SLC10A7: variants seen among roughly 807,000 people sequenced by gnomAD.
SLC10A7 encodes solute carrier family 10 member 7, also known as sodium/bile acid cotransporter 7.
Under a neutral mutation model 43.2 loss-of-function variants are expected in SLC10A7, and 29 were observed. The ratio of observed to expected loss-of-function variants is 0.67; its 90% CI spans 0.50 to 0.92. The LOEUF (loss-of-function observed/expected upper bound fraction) is 0.92, where lower values mean the gene tolerates loss of function less well. Among genes scored for constraint, SLC10A7 ranks in the 40% least tolerant of loss-of-function variants. The pLI is 0.00. For missense variants in SLC10A7, 295 were observed against 403.2 expected (o/e 0.73, Z 2.30); for synonymous variants, 152 against 144.8 (o/e 1.05, Z -0.35).
intron 5 of SLC10A7, among the ~76,000 whole-genome samples, chr4:146,330,629 G>A (rs1385902185): frequency 6.6e-6 from 1 of 152,134 alleles, no homozygotes; most frequent in Non-Finnish European, 1.5e-5. Flanking sequence ...AAGTTTTGGG[G>A]AAGTCATCGC....
intron 10 of SLC10A7, among the ~76,000 whole-genome samples, chr4:146,277,935 G>A (rs983963035): frequency 2.0e-5 from 3 of 152,126 alleles, no homozygotes; most frequent in African/African-American, 4.8e-5. Context: ...AATTACATTT[G>A]TTAAGTATTT....
At chr4:146,463,207 T>C (rs1010728447) in intron 4 of SLC10A7, among the ~76,000 whole-genome samples, 2 of 152,188 alleles carry the variant, frequency 1.3e-5, no homozygotes, top group African/African-American at 4.8e-5. Flanking sequence ...AATACATGTG[T>C]CTATAAAATA....
intron 10 of SLC10A7, among the ~76,000 whole-genome samples, chr4:146,271,884 T>C (rs1477826930): frequency 1.3e-5 from 2 of 152,152 alleles, no homozygotes; most frequent in Non-Finnish European, 2.9e-5. Flanking sequence ...TGCTCCCTAT[T>C]TCCTTCAGGT....
rs545899297 is a variant in SLC10A7 at position 146,517,903 on chromosome 4, C to A, written c.101-783G>T. Reference sequence around the variant, plus strand: ...GTTCTGCCCAAGAGTATTCATTCTACAAATACTTATTGAGCACTTGCTATG... The same window carrying A: ...GTTCTGCCCAAGAGTATTCATTCTAAAAATACTTATTGAGCACTTGCTATG... On this transcript the variant is annotated intron_variant, in intron 1 of 11. Transcript: ENST00000335472. Among the ~76,000 whole-genome samples, 11 of 152,280 alleles carry A rather than the reference C, an allele frequency of 7.2e-5. No homozygotes were observed. In the East Asian group the frequency reaches 2.1e-3, roughly 29 times the overall value.
chr4:146,465,836 T>C (rs912976871), intron 4 of SLC10A7, among the ~76,000 whole-genome samples: 4 of 152,190 alleles, frequency 2.6e-5, no homozygotes, highest in African/African-American at 9.6e-5. Context: ...TGAGTTAACA[T>C]GTACTGAAAG....
chr4:146,442,344 G>A, intron 5 of SLC10A7: 1 of 989,640 alleles, frequency 1.0e-6, no homozygotes, highest in Non-Finnish European at 1.2e-6. Flanking sequence ...ATCCAAGCCA[G>A]TAGCTTCTTT....
intron 5 of SLC10A7, among the ~76,000 whole-genome samples, chr4:146,354,571 G>A (rs372972385): frequency 4.1e-5 from 6 of 147,348 alleles, no homozygotes; most frequent in East Asian, 2.0e-4. Context: ...AAAAGAGCCC[G>A]CATCGCCAAG....
intron 7 of SLC10A7, among the ~76,000 whole-genome samples, chr4:146,305,108 A>G (rs897275224): frequency 5.3e-5 from 8 of 151,078 alleles, no homozygotes; most frequent in African/African-American, 2.0e-4. Flanking sequence ...TCATGCTGCT[A>G]TAAAGACACA....
chr4:146,352,859 C>G (rs1735237220), intron 5 of SLC10A7, among the ~76,000 whole-genome samples: 1 of 143,932 alleles, frequency 6.9e-6, no homozygotes, highest in Non-Finnish European at 1.5e-5. Context: ...ACACCACATA[C>G]CAGAATCTCT....
intron 2 of SLC10A7, among the ~76,000 whole-genome samples, chr4:146,516,235 CT>C (rs201312911): frequency 1.3e-4 from 20 of 150,948 alleles, no homozygotes; most frequent in African/African-American, 3.2e-4. Flanking sequence ...ATTTTCTCCT[CT>C]TTTTTTTTCT....
chr4:146,490,967 T>C (rs1735340963), intron 4 of SLC10A7, among the ~76,000 whole-genome samples: 3 of 152,226 alleles, frequency 2.0e-5, no homozygotes, highest in Non-Finnish European at 4.4e-5. Context: ...AGAAAAGTAG[T>C]TCCCACAAAG....
At chr4:146,309,815 A>C (rs1015130418) in intron 6 of SLC10A7, among the ~76,000 whole-genome samples, 1 of 152,030 alleles carries the variant, frequency 6.6e-6, no homozygotes, top group Non-Finnish European at 1.5e-5. Flanking sequence ...TTCATTTTTT[A>C]ATAATTTCAA....
chr4:146,402,702 T>C (rs1049851985), intron 5 of SLC10A7, among the ~76,000 whole-genome samples: 1 of 152,224 alleles, frequency 6.6e-6, no homozygotes, highest in Non-Finnish European at 1.5e-5. Flanking sequence ...TTGGGAATAA[T>C]ATAGGCTAGC....
At chr4:146,350,999 T>G (rs993325027) in intron 5 of SLC10A7, among the ~76,000 whole-genome samples, 4 of 150,490 alleles carry the variant, frequency 2.7e-5, no homozygotes, top group Non-Finnish European at 5.9e-5. Flanking sequence ...AGGAACGCAG[T>G]TCCTCACCAG....
At chr4:146,413,919 A>G (rs996100757) in intron 5 of SLC10A7, among the ~76,000 whole-genome samples, 7 of 152,216 alleles carry the variant, frequency 4.6e-5, no homozygotes, top group Non-Finnish European at 8.8e-5. Context: ...CTGAATATCA[A>G]TCCTGACCAT....
At chr4:146,505,346 C>G (rs2150034330) in intron 3 of SLC10A7, among the ~76,000 whole-genome samples, 1 of 151,944 alleles carries the variant, frequency 6.6e-6, no homozygotes, top group South Asian at 2.1e-4. Context: ...TTTTCTCTGG[C>G]TTAATTGTAA....
rs73852866 is a variant in SLC10A7, at chr4:146,478,535, G to A, written c.396+25314C>T. Among the ~76,000 whole-genome samples the A allele has an allele frequency of 6.5e-3, 996 of 152,244 alleles. 10 individuals carry two copies. Among genetic ancestry groups the A allele is most frequent in the African/African-American group, 0.02 (820 of 41,554 alleles). ...TACAATATGTAGCAGAAAGTTGTGG[G>A]GAAAAATACAAATCAGATTAATTCC... On this transcript the variant is annotated intron_variant, in intron 4 of 11. Coordinates refer to ENST00000335472, the MANE Select transcript of SLC10A7 (RefSeq NM_001029998.6).
At chr4:146,348,565 C>T (rs1734791690) in intron 5 of SLC10A7, among the ~76,000 whole-genome samples, 1 of 152,134 alleles carries the variant, frequency 6.6e-6, no homozygotes, top group Admixed American at 6.5e-5. Context: ...TATTACCTTT[C>T]CTGTAGGGTA....
chr4:146,448,245 T>A (rs192143349), intron 4 of SLC10A7, among the ~76,000 whole-genome samples: 146 of 151,734 alleles, frequency 9.6e-4, no homozygotes, highest in Admixed American at 5.2e-3. Context: ...ATAAAAAAAA[T>A]TTTAAAAAAA....
Sources: gnomAD v4.1 joint callset for allele counts (sites outside exome capture counted in the v4.1 genomes callset) on GRCh38, gnomAD v4.1.1 for gene constraint, MANE v1.5 for transcripts, NCBI Gene and HGNC (gene_info 2026-07-23, HGNC 2026-07-21) for gene names.